Variants in RANBP10 observed in about 807,000 individuals in gnomAD.
RANBP10 encodes RAN binding protein 10, also known as ran-binding protein 10.
A neutral mutation model predicts 72.8 loss-of-function variants in RANBP10; 24 were observed. The observed-to-expected ratio is 0.33, with a 90% CI of 0.24 to 0.46. RANBP10 has a LOEUF of 0.46. Among genes scored for constraint, RANBP10 ranks in the 20% least tolerant of loss-of-function variants. The pLI, the probability that RANBP10 is intolerant of heterozygous loss-of-function variation, is 1.00. For synonymous variants in RANBP10, 310 were observed against 322.3 expected, an observed-to-expected ratio of 0.96 and a Z score of 0.41; for missense variants, 679 against 817.5, an observed-to-expected ratio of 0.83 and a Z score of 2.07.
chr16:67,766,695 C>T (rs2054508848), intron 3 of RANBP10, among the ~76,000 whole-genome samples: 1 of 152,144 alleles, frequency 6.6e-6, no homozygotes, highest in African/African-American at 2.4e-5. Context: ...AAATAAAACT[C>T]TTTTCTTTAT....
chr16:67,783,980 T>C (rs1001915517), intron 2 of RANBP10, among the ~76,000 whole-genome samples: 7 of 149,124 alleles, frequency 4.7e-5, no homozygotes, highest in Non-Finnish European at 8.9e-5. Flanking sequence ...AAGGTGGAGG[T>C]TGCAGTGAGC....
intron 3 of RANBP10, among the ~76,000 whole-genome samples, chr16:67,767,777 T>C (rs2054532217): frequency 6.6e-6 from 1 of 152,094 alleles, no homozygotes; most frequent in Non-Finnish European, 1.5e-5. Context: ...TTTGTATTTT[T>C]AGTAGAGATG....
At chr16:67,728,257 G>A in intron 11 of RANBP10, 133 bp downstream of exon 11, 1 of 963,094 alleles carries the variant, frequency 1.0e-6, no homozygotes, top group Middle Eastern at 2.3e-4. Context: ...ATCGGCTAAG[G>A]AGGCTGTGGA....
intron 4 of RANBP10, among the ~76,000 whole-genome samples, chr16:67,741,957 G>A (rs372525711): frequency 1.7e-4 from 26 of 151,960 alleles, no homozygotes; most frequent in Admixed American, 8.5e-4. Context: ...CTGCTTTTCC[G>A]TTAAATTTTG....
chr16:67,765,218 A>AC (rs1325931343), intron 3 of RANBP10, among the ~76,000 whole-genome samples: 1 of 150,802 alleles, frequency 6.6e-6, no homozygotes, highest in African/African-American at 2.4e-5. Context: ...AAAAAAAAAA[A>AC]AAAAAAAAAA....
At chr16:67,792,390 T>TAA (rs925064437) in intron 2 of RANBP10, among the ~76,000 whole-genome samples, 4 of 148,078 alleles carry the variant, frequency 2.7e-5, no homozygotes, top group South Asian at 2.1e-4. Context: ...CCATCTCTAC[T>TAA]AAAAAAAAAT....
chr16:67,786,254 A>G (rs2054915599), intron 2 of RANBP10, among the ~76,000 whole-genome samples: 1 of 152,034 alleles, frequency 6.6e-6, no homozygotes, highest in Non-Finnish European at 1.5e-5. Context: ...ACTTGAGCCC[A>G]GGAGGTTAAG....
intron 3 of RANBP10, among the ~76,000 whole-genome samples, chr16:67,757,257 G>A (rs183595985): frequency 7.6e-4 from 115 of 152,256 alleles, no homozygotes; most frequent in Non-Finnish European, 3.4e-4. Flanking sequence ...CACATGTTCT[G>A]CTCCCTTCTG....
At chr16:67,758,812 G>A (rs575662257) in intron 3 of RANBP10, among the ~76,000 whole-genome samples, 4 of 151,454 alleles carry the variant, frequency 2.6e-5, no homozygotes, top group Non-Finnish European at 4.4e-5. Flanking sequence ...AAACAGGACA[G>A]TATAGAGGAG....
intron 2 of RANBP10, among the ~76,000 whole-genome samples, chr16:67,777,953 T>G (rs1481124309): frequency 6.6e-6 from 1 of 152,190 alleles, no homozygotes; most frequent in East Asian, 1.9e-4. Context: ...AACCCTCACA[T>G]GTATAGTCAA....
At chr16:67,777,266 G>A (rs981391070) in intron 2 of RANBP10, among the ~76,000 whole-genome samples, 2 of 152,092 alleles carry the variant, frequency 1.3e-5, no homozygotes, top group Middle Eastern at 3.2e-3. Context: ...GCTGGGCGCG[G>A]TGGCTCACGC....
intron 3 of RANBP10, among the ~76,000 whole-genome samples, chr16:67,749,239 GT>G (rs2054148837): frequency 6.6e-6 from 1 of 152,152 alleles, no homozygotes; most frequent in African/African-American, 2.4e-5. Flanking sequence ...AAAGGAAGTT[GT>G]CCCCTTGGTC....
At chr16:67,800,582 A>G (rs915176910) in intron 2 of RANBP10, among the ~76,000 whole-genome samples, 4 of 152,034 alleles carry the variant, frequency 2.6e-5, no homozygotes, top group African/African-American at 9.7e-5. Context: ...TCCTAGAAAG[A>G]CAGACCTGGA....
chr16:67,797,428 GGAGGCT>G (rs1299009695), intron 2 of RANBP10, among the ~76,000 whole-genome samples: 5 of 152,228 alleles, frequency 3.3e-5, no homozygotes, highest in African/African-American at 1.2e-4. Flanking sequence ...CAGCACTTTG[GGAGGCT>G]GAGGCAGGAG....
chr16:67,729,793 T>C lies in RANBP10; in HGVS notation c.1034A>G (p.Asp345Gly), dbSNP rs376455276. ...GGAGCTCAAACTTCGGACCTCACTG[T>C]CCGTCCCATTCACCATCTCCACAAA... ...RQFVEMVNGTDSEVRSLSSRS... is the reference protein window; with the variant it reads ...RQFVEMVNGTGSEVRSLSSRS... The change falls in exon 9 of 14, where the codon GAC (aspartate) becomes GGC (glycine). Residue 345 changes from aspartate to glycine, a missense_variant. Physicochemically the swap from Asp to Gly is moderately conservative, Grantham distance 94. Coordinates refer to ENST00000317506, the MANE Select transcript of RANBP10 (RefSeq NM_020850.3). The surrounding 1 kb of genome is among the most constrained non-coding windows in gnomAD (Gnocchi z 7.1). 1.2e-6 allele frequency: 2 copies of C among 1,613,986 alleles called. No homozygotes were observed. The highest frequency in any genetic ancestry group is 1.7e-6 in the Non-Finnish European group (2 of 1,180,020).
intron 3 of RANBP10, among the ~76,000 whole-genome samples, chr16:67,754,273 C>T (rs2054249106): frequency 6.6e-6 from 1 of 152,150 alleles, no homozygotes; most frequent in African/African-American, 2.4e-5. Flanking sequence ...GGTCCAGGGA[C>T]TTCGTGGCTC....
At chr16:67,785,293 G>C (rs779186835) in intron 2 of RANBP10, among the ~76,000 whole-genome samples, 1 of 151,938 alleles carries the variant, frequency 6.6e-6, no homozygotes, top group African/African-American at 2.4e-5. Flanking sequence ...AAAAAGGAAA[G>C]AGCCAAAACC....
intron 6 of RANBP10, among the ~76,000 whole-genome samples, chr16:67,734,410 T>C (rs2053796988): frequency 6.6e-6 from 1 of 152,226 alleles, no homozygotes; most frequent in Admixed American, 6.5e-5. Flanking sequence ...GAGAACTCCC[T>C]TCCCTCCACC....
intron 5 of RANBP10, among the ~76,000 whole-genome samples, chr16:67,736,959 C>T (rs1475037990): frequency 2.6e-5 from 4 of 152,138 alleles, no homozygotes; most frequent in African/African-American, 7.2e-5. Flanking sequence ...AGTCAGCAAA[C>T]CTTCCTTCCT....
Sources: gnomAD v4.1 joint callset for allele counts (sites outside exome capture counted in the v4.1 genomes callset) on GRCh38, gnomAD v4.1.1 for gene constraint, Gnocchi (gnomAD v3.1) non-coding constraint, MANE v1.5 for transcripts, NCBI Gene and HGNC (gene_info 2026-07-23, HGNC 2026-07-21) for gene names.